KLB: variants seen among roughly 807,000 people sequenced by gnomAD.
KLB encodes the protein klotho beta, also known as beta-klotho.
KLB carries 44 observed loss-of-function variants against 88.4 expected under a neutral mutation model. The ratio of observed to expected loss-of-function variants is 0.50; its 90% confidence interval spans 0.39 to 0.64. The LOEUF is 0.64. Among genes scored for constraint, KLB ranks in the 30% least tolerant of loss-of-function variants. KLB has a pLI of 0.00. For missense variants in KLB, 1,137 were observed against 1,304.8 expected, an observed-to-expected ratio of 0.87 and a Z score of 1.98; for synonymous variants, 548 against 513.4, an observed-to-expected ratio of 1.07 and a Z score of -0.91.
intron 1 of KLB, among the ~76,000 whole-genome samples, chr4:39,426,394 A>T (rs1447947964): frequency 1.6e-5 from 2 of 125,026 alleles, no homozygotes; most frequent in African/African-American, 6.0e-5. Context: ...CAGCTGGGTG[A>T]CAGAGCAAGA....
intron 3 of KLB, among the ~76,000 whole-genome samples, chr4:39,438,846 A>G (rs1168582941): frequency 6.8e-6 from 1 of 148,104 alleles, no homozygotes; most frequent in Non-Finnish European, 1.5e-5. Flanking sequence ...GAGACCTTAG[A>G]GACCTCCCAT....
chr4:39,421,567 C>T (rs535566920), intron 1 of KLB, among the ~76,000 whole-genome samples: 7 of 152,028 alleles, frequency 4.6e-5, no homozygotes, highest in Non-Finnish European at 1.0e-4. Context: ...CTGGCCAACA[C>T]GGCAAGACCC....
At position 39,407,587 on chromosome 4, in the gene KLB, C is replaced by A; in HGVS notation, c.638C>A (p.Thr213Asn). Residue 213 changes from threonine to asparagine, a missense_variant, in exon 1 of 5, where the codon ACC becomes AAC. Physicochemically the swap from Thr to Asn is moderately conservative, Grantham distance 65. This residue lies in a region of KLB where 597 missense variants were observed against 765.2 expected (regional missense o/e 0.78). Coordinates refer to ENST00000257408, the MANE Select transcript of KLB (RefSeq NM_175737.4). Reference sequence around the variant, plus strand: ...AAATATGGGGGGTGGAAAAATGATACCATAATAGATATCTTCAATGACTAT... The same window carrying A: ...AAATATGGGGGGTGGAAAAATGATAACATAATAGATATCTTCAATGACTAT... ...QEKYGGWKND[T>N]IIDIFNDYAT... 1.9e-6 allele frequency: 3 copies of A among 1,614,000 alleles called. No individual in the cohort carries two copies. The highest frequency in any genetic ancestry group is 1.6e-4 in the Middle Eastern group (1 of 6,062).
rs759313925 is a variant in KLB, at chr4:39,448,671, G to C, written c.3120G>C (p.Lys1040Asn). ...AACACATACCATTAAAGAAAGGCAA[G>C]AGAGTTGTTAGCTAAACTGATCTGT... Reference protein sequence around the residue: ...NLQHIPLKKGKRVVS With the variant: ...NLQHIPLKKGNRVVS The change falls in exon 5 of 5, where the codon AAG becomes AAC. Residue 1040 changes from lysine (K) to asparagine (N), a missense_variant. By Grantham distance (94) the Lys-to-Asn change is moderately conservative. Transcript: ENST00000257408. 2 of 1,609,206 alleles carry C rather than the reference G, an allele frequency of 1.2e-6. No individual in the cohort carries two copies. Among genetic ancestry groups the C allele is most frequent in the East Asian group, 2.2e-5 (1 of 44,872 alleles).
chr4:39,422,072 C>T (rs1743100497), intron 1 of KLB, among the ~76,000 whole-genome samples: 1 of 152,130 alleles, frequency 6.6e-6, no homozygotes, highest in Non-Finnish European at 1.5e-5. Flanking sequence ...TAGAGGCTTT[C>T]TCAGTCTACT....
At chr4:39,447,624 C>T in intron 4 of KLB, 149 bp downstream of exon 4, 1 of 619,988 alleles carries the variant, frequency 1.6e-6, no homozygotes, top group Non-Finnish European at 2.5e-6. Context: ...GAAAACTGGC[C>T]TATGGGATTT....
At chr4:39,447,860 T>A (rs1295163449) in intron 4 of KLB, among the ~76,000 whole-genome samples, 1 of 152,214 alleles carries the variant, frequency 6.6e-6, no homozygotes, top group East Asian at 1.9e-4. Context: ...AAGCATGCAA[T>A]GTGAAATAAC....
At chr4:39,419,509 C>G (rs770332087) in intron 1 of KLB, among the ~76,000 whole-genome samples, 77 of 152,282 alleles carry the variant, frequency 5.1e-4, no homozygotes, top group Non-Finnish European at 8.7e-4. Flanking sequence ...CACGGTGGCT[C>G]ACGCCTGTAA....
In KLB at chr4:39,447,068, A is replaced by G. The variant is rs762766285; in HGVS notation, c.2342A>G (p.Asp781Gly). The G allele has an allele frequency of 6.2e-7, 1 of 1,612,896 alleles. No individual in the cohort carries two copies. The highest frequency in any genetic ancestry group is 1.1e-5 in the South Asian group (1 of 91,074). The change falls in exon 4 of 5, where the codon GAC (aspartate) becomes GGC (glycine). Residue 781 changes from aspartate (D) to glycine (G), a missense_variant. Coordinates refer to ENST00000257408, the MANE Select transcript of KLB (RefSeq NM_175737.4). ...WFAEPLFKTG[D>G]YPAAMREYIA... ...GCCGAGCCGCTCTTCAAGACCGGGGACTACCCCGCGGCCATGAGGGAATAC... is the reference window on the plus strand; with the variant it reads ...GCCGAGCCGCTCTTCAAGACCGGGGGCTACCCCGCGGCCATGAGGGAATAC...
chr4:39,411,524 ATT>A (rs796871369), intron 1 of KLB, among the ~76,000 whole-genome samples: 4 of 109,964 alleles, frequency 3.6e-5, no homozygotes, highest in Non-Finnish European at 4.0e-5. Flanking sequence ...TGGCTTGGCC[ATT>A]TTTTTTTTTT....
At chr4:39,425,051 A>G (rs969991511) in intron 1 of KLB, among the ~76,000 whole-genome samples, 1 of 152,204 alleles carries the variant, frequency 6.6e-6, no homozygotes, top group Non-Finnish European at 1.5e-5. Flanking sequence ...GCATGAAAAA[A>G]TTACTATCAG....
intron 1 of KLB, among the ~76,000 whole-genome samples, chr4:39,429,646 G>C (rs955145175): frequency 6.6e-6 from 1 of 152,116 alleles, no homozygotes; most frequent in Non-Finnish European, 1.5e-5. Flanking sequence ...CAAATTAGAG[G>C]GTGACCTTGG....
At chr4:39,426,062 C>T (rs1743202973) in intron 1 of KLB, among the ~76,000 whole-genome samples, 2 of 152,010 alleles carry the variant, frequency 1.3e-5, no homozygotes, top group African/African-American at 2.4e-5. Context: ...ACCATCCTGG[C>T]TAACATGGTG....
rs1453841855 is a variant in KLB, at chr4:39,450,204, A to G, written c.*1518A>G. The G allele has an allele frequency of 6.6e-6, 1 of 152,216 alleles. No homozygotes were observed. The highest frequency in any genetic ancestry group is 1.5e-5 in the Non-Finnish European group (1 of 68,044). The allele number at this position is 152,216 out of a possible 1,614,324, so 9.4% of individuals were successfully genotyped here. On this transcript the variant is annotated 3_prime_UTR_variant, in exon 5 of 5. Transcript: ENST00000257408. ...TTCAGTGTATTTTAAACATCTGAGG[A>G]AGAAAACTTAAATATGCACCTATTT...
At position 39,450,423 on chromosome 4, in the gene KLB, G is replaced by A. The variant is rs572163671; in HGVS notation, c.*1737G>A. 4 of 152,244 alleles carry A rather than the reference G, an allele frequency of 2.6e-5. No homozygotes were observed. The highest frequency in any genetic ancestry group is 9.6e-5 in the African/African-American group (4 of 41,550). 9.4% of individuals were successfully genotyped at this position (152,244 alleles called of 1,614,324 possible). ...CTGAAGCTAAATTCAGTATCTAACT[G>A]CTAATGAACAAGTTTCCAAAATACT... On this transcript the variant is annotated 3_prime_UTR_variant, in exon 5 of 5. Coordinates refer to ENST00000257408, the MANE Select transcript of KLB (RefSeq NM_175737.4).
intron 1 of KLB, among the ~76,000 whole-genome samples, chr4:39,418,942 TC>T (rs1743019236): frequency 8.0e-6 from 1 of 124,864 alleles, no homozygotes. Flanking sequence ...AGATGCCATC[TC>T]TAAAAAAAAA....
rs2109836130 is a variant in KLB at position 39,434,613 on chromosome 4, C to G, written c.1229C>G (p.Pro410Arg). Residue 410 changes from proline (P) to arginine (R), a missense_variant, in exon 2 of 5, where the codon CCT becomes CGT. Pro to Arg is a moderately radical substitution (Grantham distance 103, BLOSUM62 -2). This residue lies in a region of KLB where 597 missense variants were observed against 765.2 expected (regional missense o/e 0.78). Transcript: ENST00000257408. ...TGGATTAAACTGGAATACAACAACC[C>G]TCGAATCTTGATTGCTGAGAATGGC... ...LNWIKLEYNN[P>R]RILIAENGWF... 1 of 1,614,066 alleles carries G rather than the reference C, an allele frequency of 6.2e-7. No homozygotes were observed. Among genetic ancestry groups the G allele is most frequent in the South Asian group, 1.1e-5 (1 of 91,082 alleles).
At chr4:39,412,939 AC>A (rs1295499786) in intron 1 of KLB, among the ~76,000 whole-genome samples, 1 of 152,242 alleles carries the variant, frequency 6.6e-6, no homozygotes, top group Non-Finnish European at 1.5e-5. Flanking sequence ...TCGAAATATT[AC>A]TGATATTAAT....
intron 1 of KLB, among the ~76,000 whole-genome samples, chr4:39,429,845 T>C (rs1330947271): frequency 6.6e-6 from 1 of 152,122 alleles, no homozygotes; most frequent in Non-Finnish European, 1.5e-5. Context: ...TAGGATCAAG[T>C]TATAACCAAA....
Sources: allele counts gnomAD v4.1 joint callset (sites outside exome capture counted in the v4.1 genomes callset), GRCh38; gene constraint gnomAD v4.1.1; regional missense constraint gnomAD v4.1.1; transcripts MANE v1.5; gene names NCBI Gene and HGNC (gene_info 2026-07-23, HGNC 2026-07-21).